The following BRINP3 variants were observed in gnomAD, a reference collection of about 807,000 sequenced individuals.
The protein encoded by BRINP3 is BMP/retinoic acid inducible neural specific 3, also known as BMP/retinoic acid-inducible neural-specific protein 3.
Under a neutral mutation model 71.0 loss-of-function variants are expected in BRINP3, and 19 were observed. The ratio of observed to expected loss-of-function variants is 0.27; its 90% CI spans 0.19 to 0.39. BRINP3 has a LOEUF of 0.39. BRINP3 is among the 10% of genes least tolerant of loss of function. The probability of loss-of-function intolerance (pLI) is 1.00; values close to 1 mark genes in which losing one functional copy is unlikely to be tolerated. For missense variants in BRINP3, 959 were observed against 940.8 expected (o/e 1.02, Z -0.25); for synonymous variants, 380 against 337.7 (o/e 1.13, Z -1.37).
chr1:190,345,219 T>C (rs1213076251), intron 2 of BRINP3, among the ~76,000 whole-genome samples: 1 of 151,804 alleles, frequency 6.6e-6, no homozygotes, highest in African/African-American at 2.4e-5. Context: ...TCATAACCAG[T>C]TGTGCATGTT....
intron 4 of BRINP3, among the ~76,000 whole-genome samples, chr1:190,237,821 A>G (rs1430712252): frequency 6.6e-6 from 1 of 152,078 alleles, no homozygotes; most frequent in African/African-American, 2.4e-5. Flanking sequence ...ACACTGGAAT[A>G]CTGATAAGTA....
intron 7 of BRINP3, among the ~76,000 whole-genome samples, chr1:190,149,625 TTG>T (rs71669261): frequency 0.11 from 16,181 of 145,716 alleles, 1,115 homozygotes; most frequent in South Asian, 0.25. Flanking sequence ...TGTTGAGTAG[TTG>T]TGTGTGTGTG....
chr1:190,283,751 T>TCTTCTA (rs1663215738), intron 2 of BRINP3, among the ~76,000 whole-genome samples: 1 of 151,224 alleles, frequency 6.6e-6, no homozygotes, highest in African/African-American at 2.4e-5. Flanking sequence ...TCAGGATATA[T>TCTTCTA]AGTAATACAA....
chr1:190,423,186 C>T (rs1167096250), intron 2 of BRINP3, among the ~76,000 whole-genome samples: 1 of 151,746 alleles, frequency 6.6e-6, no homozygotes, highest in African/African-American at 2.4e-5. Context: ...CCCAGGAAGG[C>T]ATTAAAGCAC....
intron 2 of BRINP3, among the ~76,000 whole-genome samples, chr1:190,298,118 T>C (rs991369698): frequency 6.6e-6 from 1 of 152,126 alleles, no homozygotes; most frequent in African/African-American, 2.4e-5. Flanking sequence ...TATAAGTGTA[T>C]AGAGTTTTCA....
intron 2 of BRINP3, among the ~76,000 whole-genome samples, chr1:190,360,946 A>G (rs1181873952): frequency 1.3e-5 from 2 of 152,184 alleles, no homozygotes; most frequent in African/African-American, 4.8e-5. Context: ...ACTCTGGAAG[A>G]GTAGTCAGGG....
At chr1:190,382,854 A>G (rs1281899942) in intron 2 of BRINP3, among the ~76,000 whole-genome samples, 1 of 152,178 alleles carries the variant, frequency 6.6e-6, no homozygotes. Flanking sequence ...CAAGCCCTGT[A>G]AATGAACCAC....
At chr1:190,109,760 T>C (rs983121667) in intron 7 of BRINP3, among the ~76,000 whole-genome samples, 1 of 152,238 alleles carries the variant, frequency 6.6e-6, no homozygotes, top group Non-Finnish European at 1.5e-5. Flanking sequence ...TTCCCTGCCC[T>C]TGGGCATCTG....
chr1:190,215,470 A>C (rs1656333816), intron 6 of BRINP3, among the ~76,000 whole-genome samples: 1 of 151,972 alleles, frequency 6.6e-6, no homozygotes, highest in African/African-American at 2.4e-5. Context: ...TTCCCTAGAA[A>C]ATGTCCTCTT....
intron 2 of BRINP3, among the ~76,000 whole-genome samples, chr1:190,348,478 C>G (rs549889694): frequency 6.6e-6 from 1 of 152,162 alleles, no homozygotes; most frequent in Non-Finnish European, 1.5e-5. Flanking sequence ...AAAAGCCTCA[C>G]AACTTCTTAA....
chr1:190,173,717 T>A (rs919293322), intron 6 of BRINP3, among the ~76,000 whole-genome samples: 2 of 152,226 alleles, frequency 1.3e-5, no homozygotes, highest in African/African-American at 4.8e-5. Context: ...TATTTATTAA[T>A]GTAAACCATT....
intron 2 of BRINP3, among the ~76,000 whole-genome samples, chr1:190,305,152 A>G (rs1292435760): frequency 2.0e-5 from 3 of 152,088 alleles, no homozygotes; most frequent in African/African-American, 4.8e-5. Flanking sequence ...GAACCCTTAT[A>G]TACTGCTGGC....
chr1:190,452,843 C>G (rs1319601435), intron 2 of BRINP3, among the ~76,000 whole-genome samples: 1 of 152,080 alleles, frequency 6.6e-6, no homozygotes, highest in African/African-American at 2.4e-5. Context: ...GGTGGCAGAA[C>G]GAGACTCCGT....
At chr1:190,221,172 C>T (rs759617060) in intron 6 of BRINP3, among the ~76,000 whole-genome samples, 2 of 151,986 alleles carry the variant, frequency 1.3e-5, no homozygotes, top group Non-Finnish European at 2.9e-5. Context: ...GAGCTGAGAT[C>T]GCACCACTAC....
intron 6 of BRINP3, among the ~76,000 whole-genome samples, chr1:190,221,422 A>T (rs1656883265): frequency 6.6e-6 from 1 of 152,152 alleles, no homozygotes. Context: ...CTTGAGATAA[A>T]TTCATGGAAA....
At chr1:190,116,781 T>C (rs1653170538) in intron 7 of BRINP3, among the ~76,000 whole-genome samples, 1 of 152,184 alleles carries the variant, frequency 6.6e-6, no homozygotes, top group African/African-American at 2.4e-5. Context: ...TTTAACTATT[T>C]GCCTGTGAAA....
intron 7 of BRINP3, among the ~76,000 whole-genome samples, chr1:190,107,655 C>G (rs1557972587): frequency 6.6e-6 from 1 of 151,826 alleles, no homozygotes; most frequent in Non-Finnish European, 1.5e-5. Context: ...GTTAGCTTTC[C>G]TAATTGGAGT....
chr1:190,476,135 T>C (rs922693983), intron 1 of BRINP3, among the ~76,000 whole-genome samples: 1 of 151,632 alleles, frequency 6.6e-6, no homozygotes, highest in Non-Finnish European at 1.5e-5. Flanking sequence ...GGGGCGACGC[T>C]GCAGCTGGAG....
chr1:190,303,503 G>T (rs1664876463), intron 2 of BRINP3, among the ~76,000 whole-genome samples: 1 of 151,620 alleles, frequency 6.6e-6, no homozygotes, highest in African/African-American at 2.4e-5. Context: ...ATAATTATCT[G>T]ACAATGAAAA....
Sources: allele counts gnomAD v4.1 joint callset (sites outside exome capture counted in the v4.1 genomes callset), GRCh38; gene constraint gnomAD v4.1.1; transcripts MANE v1.5; gene names NCBI Gene and HGNC (gene_info 2026-07-23, HGNC 2026-07-21).